DDX31: variants seen among roughly 807,000 people sequenced by gnomAD.
DDX31 encodes the protein ATP-dependent DNA helicase DDX31.
DDX31 carries 70 observed loss-of-function variants against 91.3 expected under a neutral mutation model. The observed-to-expected ratio is 0.77, with a 90% CI of 0.63 to 0.94. The LOEUF (loss-of-function observed/expected upper bound fraction) is 0.94, where lower values mean the gene tolerates loss of function less well. Ranked by LOEUF, DDX31 falls within the 40% of genes least tolerant of loss-of-function variation. DDX31 has a pLI of 0.00. For missense variants in DDX31, 902 were observed against 925.0 expected, an observed-to-expected ratio of 0.98 and a Z score of 0.32; for synonymous variants, 362 against 350.6, an observed-to-expected ratio of 1.03 and a Z score of -0.36.
At chr9:132,632,016 T>G (rs775498437) in intron 15 of DDX31, 25 bp downstream of exon 15, 1 of 1,607,574 alleles carries the variant, frequency 6.2e-7, no homozygotes, top group Admixed American at 1.7e-5. Context: ...GCCTAAAGCT[T>G]ACACCTTAAC....
At chr9:132,644,669 C>A (rs528934514) in intron 13 of DDX31, among the ~76,000 whole-genome samples, 10 of 152,202 alleles carry the variant, frequency 6.6e-5, no homozygotes, top group African/African-American at 1.4e-4. Flanking sequence ...CCAGCTCCCC[C>A]CAACCACGCT....
intron 16 of DDX31, among the ~76,000 whole-genome samples, chr9:132,627,527 T>C (rs1274758580): frequency 6.6e-6 from 1 of 152,258 alleles, no homozygotes; most frequent in African/African-American, 2.4e-5. Flanking sequence ...AACTGTCTTA[T>C]GCCTGATCTA....
intron 19 of DDX31, among the ~76,000 whole-genome samples, chr9:132,610,705 C>T (rs1430156187): frequency 6.6e-6 from 1 of 152,086 alleles, no homozygotes; most frequent in Non-Finnish European, 1.5e-5. Flanking sequence ...TGGCCTCAAG[C>T]AATCTGCCTG....
chr9:132,628,398 G>A (rs2130642070), intron 16 of DDX31, among the ~76,000 whole-genome samples: 1 of 152,328 alleles, frequency 6.6e-6, no homozygotes, highest in African/African-American at 2.4e-5. Flanking sequence ...TAAAAAGGGA[G>A]TCACGTAAAT....
At chr9:132,626,598 GA>G (rs1449515743) in intron 16 of DDX31, among the ~76,000 whole-genome samples, 3 of 151,940 alleles carry the variant, frequency 2.0e-5, no homozygotes, top group Admixed American at 6.6e-5. Flanking sequence ...TTCTGAGGGG[GA>G]AACAGATCAT....
intron 14 of DDX31, chr9:132,638,451 G>T: frequency 6.3e-7 from 1 of 1,579,794 alleles, no homozygotes; most frequent in South Asian, 1.1e-5. Flanking sequence ...TGGGAAAGTG[G>T]GCTTTGAACT....
intron 18 of DDX31, among the ~76,000 whole-genome samples, chr9:132,613,488 G>A (rs1376047184): frequency 6.6e-6 from 1 of 152,024 alleles, no homozygotes; most frequent in African/African-American, 2.4e-5. Context: ...GAGGTCAGGA[G>A]TTTGAGACCA....
chr9:132,604,038 C>A (rs1366876285), intron 19 of DDX31, among the ~76,000 whole-genome samples: 1 of 152,080 alleles, frequency 6.6e-6, no homozygotes, highest in Non-Finnish European at 1.5e-5. Flanking sequence ...AACCAGAGCC[C>A]GAAAAGCAAG....
intron 14 of DDX31, among the ~76,000 whole-genome samples, chr9:132,633,997 G>A (rs550944533): frequency 1.3e-5 from 2 of 152,108 alleles, no homozygotes; most frequent in East Asian, 3.9e-4. Context: ...CTGAATGTAG[G>A]GTATTCTAAA....
intron 1 of DDX31, among the ~76,000 whole-genome samples, chr9:132,667,481 T>C (rs1835391609): frequency 6.6e-6 from 1 of 152,010 alleles, no homozygotes; most frequent in Non-Finnish European, 1.5e-5. Flanking sequence ...TGGGCACCTG[T>C]AGTCCCAGCT....
At chr9:132,654,850 G>A (rs987585575) in intron 6 of DDX31, among the ~76,000 whole-genome samples, 4 of 147,182 alleles carry the variant, frequency 2.7e-5, no homozygotes, top group Admixed American at 6.9e-5. Context: ...GGAGCCTGAG[G>A]CAGGAGAACT....
Position 132,595,293 on chromosome 9 carries a change from G to A in DDX31, c.1995-181C>T, listed in dbSNP as rs1221500114. Among the ~76,000 whole-genome samples, 1 of 152,176 alleles carries A rather than the reference G, an allele frequency of 6.6e-6. No homozygotes were observed. Among genetic ancestry groups the A allele is most frequent in the Admixed American group, 6.5e-5 (1 of 15,274 alleles). On this transcript the variant is annotated intron_variant, in intron 19 of 19. Transcript: ENST00000372159. This position sits in a 1 kb window ranked among gnomAD's most constrained non-coding sequence, Gnocchi z 4.6. ...GATGCACCAGAAGATTAGATACGGC[G>A]CTGACAGATTTTCATAACAGCGGCA...
intron 6 of DDX31, among the ~76,000 whole-genome samples, chr9:132,657,723 C>T (rs1043878782): frequency 6.6e-6 from 1 of 152,204 alleles, no homozygotes; most frequent in Non-Finnish European, 1.5e-5. Context: ...TCACCACTCC[C>T]TCTCAGCTGA....
At chr9:132,649,318 G>A (rs969431311) in intron 9 of DDX31, among the ~76,000 whole-genome samples, 3 of 150,032 alleles carry the variant, frequency 2.0e-5, no homozygotes, top group African/African-American at 7.6e-5. Flanking sequence ...AAAAGGTAAA[G>A]GGAACACGCC....
At chr9:132,651,258 T>C (rs1412733863) in intron 7 of DDX31, 142 bp from the exon 8 acceptor site, 2 of 678,636 alleles carry the variant, frequency 2.9e-6, no homozygotes, top group East Asian at 5.5e-5. Context: ...CAGAATCTAA[T>C]ATACCTTGTT....
chr9:132,635,137 T>C (rs1272093607), intron 14 of DDX31, among the ~76,000 whole-genome samples: 1 of 152,172 alleles, frequency 6.6e-6, no homozygotes, highest in African/African-American at 2.4e-5. Flanking sequence ...GTGCTTCCCA[T>C]GGTTCCATGT....
chr9:132,606,074 C>A (rs140980472), intron 19 of DDX31, among the ~76,000 whole-genome samples: 1 of 152,086 alleles, frequency 6.6e-6, no homozygotes, highest in Non-Finnish European at 1.5e-5. Flanking sequence ...GTGTTGGATG[C>A]GGCTGAGATG....
At chr9:132,616,298 A>G (rs1831623572) in intron 18 of DDX31, among the ~76,000 whole-genome samples, 1 of 152,246 alleles carries the variant, frequency 6.6e-6, no homozygotes, top group African/African-American at 2.4e-5. Flanking sequence ...GTACATAAAC[A>G]TTGGGAAGTG....
intron 9 of DDX31, among the ~76,000 whole-genome samples, chr9:132,649,505 G>C (rs1834047001): frequency 6.6e-6 from 1 of 152,212 alleles, no homozygotes; most frequent in African/African-American, 2.4e-5. Flanking sequence ...CGACACTGGA[G>C]CACCAGGCCA....
Sources: allele counts gnomAD v4.1 joint callset (sites outside exome capture counted in the v4.1 genomes callset), GRCh38; gene constraint gnomAD v4.1.1; non-coding constraint Gnocchi (gnomAD v3.1); transcripts MANE v1.5; gene names NCBI Gene and HGNC (gene_info 2026-07-23, HGNC 2026-07-21).